Variants in WIF1 observed in about 807,000 individuals in gnomAD.
WIF1 encodes Wnt inhibitory factor 1.
WIF1 carries 35 observed loss-of-function variants against 53.5 expected under a neutral mutation model. The ratio of observed to expected loss-of-function variants is 0.65; its 90% confidence interval spans 0.50 to 0.87. The LOEUF is 0.87. WIF1 is among the 40% of genes least tolerant of loss of function. WIF1 has a pLI of 0.00. For missense variants in WIF1, 467 were observed against 476.8 expected (o/e 0.98, Z 0.19); for synonymous variants, 171 against 170.4 (o/e 1.00, Z -0.03).
chr12:65,055,327 A>G (rs966109419), intron 8 of WIF1, 114 bp from the exon 9 acceptor site: 41 of 1,196,556 alleles, frequency 3.4e-5, no homozygotes, highest in Non-Finnish European at 3.6e-5. Context: ...TTCATCCTCT[A>G]ATTTTTTTTC....
chr12:65,095,988 C>A (rs1441224674), intron 2 of WIF1: 1 of 152,150 alleles, frequency 6.6e-6, no homozygotes, highest in Non-Finnish European at 1.5e-5. Flanking sequence ...ACACCAAAAG[C>A]AATTTCAAGA....
intron 6 of WIF1, among the ~76,000 whole-genome samples, chr12:65,066,204 C>T (rs78729030): frequency 0.041 from 6,199 of 152,246 alleles, 207 homozygotes; most frequent in Non-Finnish European, 0.054. Context: ...GACCATGAGG[C>T]TAATTCCTAC....
intron 2 of WIF1, among the ~76,000 whole-genome samples, chr12:65,114,939 A>T (rs1165085689): frequency 6.6e-6 from 1 of 152,182 alleles, no homozygotes; most frequent in Non-Finnish European, 1.5e-5. Flanking sequence ...TATACATGAT[A>T]AAAAGCACAC....
intron 7 of WIF1, among the ~76,000 whole-genome samples, chr12:65,062,260 AT>A (rs1246229757): frequency 6.6e-6 from 1 of 152,106 alleles, no homozygotes; most frequent in African/African-American, 2.4e-5. Flanking sequence ...GTCAGAGAGC[AT>A]TTCTTCTGAG....
At chr12:65,091,512 C>T (rs566162148) in intron 2 of WIF1, among the ~76,000 whole-genome samples, 1 of 151,768 alleles carries the variant, frequency 6.6e-6, no homozygotes, top group Admixed American at 6.6e-5. Context: ...AGAGTATCTG[C>T]TTCTGTTTAA....
chr12:65,118,750 A>G (rs534522771), intron 2 of WIF1, among the ~76,000 whole-genome samples: 4 of 152,368 alleles, frequency 2.6e-5, no homozygotes, highest in South Asian at 4.1e-4. Context: ...ATTTGCAAAC[A>G]TGCATTATAC....
intron 2 of WIF1, among the ~76,000 whole-genome samples, chr12:65,109,700 A>C (rs560520005): frequency 1.3e-5 from 2 of 152,344 alleles, no homozygotes; most frequent in Admixed American, 1.3e-4. Context: ...AAAGTCTCTG[A>C]AGTATATAAA....
At position 65,120,527 on chromosome 12, in the gene WIF1, C is replaced by A. The variant is rs769046817; in HGVS notation, c.178G>T (p.Glu60Ter). Residue 60 changes from glutamate (E) to a stop codon, truncating the protein, a stop_gained, in exon 2 of 10, where the codon GAG (glutamate) becomes TAG (stop). Transcript: ENST00000286574. LOFTEE classifies it high-confidence loss of function. ...GFEEDILIVSEGKMAPFTHDF... is the reference protein window; with the variant it reads ...GFEEDILIVS ...TGTGTAAAAGGTGCCATTTTCCCCT[C>A]TGAAACAATCAGGATATCTTCTTCA... 6.2e-7 allele frequency: 1 copy of A among 1,613,954 alleles called. No individual in the cohort carries two copies. Among genetic ancestry groups the A allele is most frequent in the Non-Finnish European group, 8.5e-7 (1 of 1,179,960 alleles).
At chr12:65,077,443 A>T (rs1462198453) in intron 3 of WIF1, among the ~76,000 whole-genome samples, 3 of 152,168 alleles carry the variant, frequency 2.0e-5, no homozygotes, top group African/African-American at 7.2e-5. Context: ...CATTGGCCAA[A>T]TATATCTCAC....
chr12:65,059,281 A>G (rs979648716), intron 7 of WIF1, among the ~76,000 whole-genome samples: 9 of 152,334 alleles, frequency 5.9e-5, no homozygotes, highest in African/African-American at 2.2e-4. Flanking sequence ...AAAACAGATA[A>G]AAGGGTTTTT....
intron 2 of WIF1, among the ~76,000 whole-genome samples, chr12:65,110,846 G>A (rs1592404805): frequency 1.3e-5 from 2 of 152,316 alleles, no homozygotes. Flanking sequence ...ATTATTCTAA[G>A]AGCCATGAAG....
intron 2 of WIF1, among the ~76,000 whole-genome samples, chr12:65,104,888 CT>C (rs1462792580): frequency 4.6e-5 from 7 of 152,102 alleles, no homozygotes; most frequent in Non-Finnish European, 1.5e-5. Flanking sequence ...CAATTTTATA[CT>C]TTTGATAAGT....
intron 2 of WIF1, among the ~76,000 whole-genome samples, chr12:65,103,248 T>G (rs959927572): frequency 1.3e-5 from 2 of 152,248 alleles, no homozygotes; most frequent in Non-Finnish European, 2.9e-5. Context: ...TTATCTAAAG[T>G]TTCACCAATG....
At chr12:65,110,779 A>G (rs1883418777) in intron 2 of WIF1, among the ~76,000 whole-genome samples, 1 of 152,220 alleles carries the variant, frequency 6.6e-6, no homozygotes, top group African/African-American at 2.4e-5. Context: ...TGCTCTCATG[A>G]GCTTACATTG....
At chr12:65,055,001 CTG>C in intron 9 of WIF1, 115 bp downstream of exon 9, 1 of 1,010,022 alleles carries the variant, frequency 9.9e-7, no homozygotes, top group Non-Finnish European at 1.4e-6. Flanking sequence ...TATAGGTTGA[CTG>C]TTAGCCTTTG....
At chr12:65,113,530 T>C (rs1287949710) in intron 2 of WIF1, among the ~76,000 whole-genome samples, 1 of 152,064 alleles carries the variant, frequency 6.6e-6, no homozygotes, top group African/African-American at 2.4e-5. Context: ...ATTTATGCCA[T>C]GTAAATTGCC....
intron 2 of WIF1, among the ~76,000 whole-genome samples, chr12:65,112,407 C>T (rs1206160657): frequency 8.5e-6 from 1 of 118,120 alleles, no homozygotes; most frequent in Non-Finnish European, 1.5e-5. Context: ...GCTCTAATCA[C>T]ACACACACAC....
intron 2 of WIF1, among the ~76,000 whole-genome samples, chr12:65,086,669 A>G (rs1306866351): frequency 1.3e-5 from 2 of 151,466 alleles, no homozygotes; most frequent in East Asian, 3.9e-4. Flanking sequence ...CAGTTCTGGA[A>G]AGGGAAAAGG....
At chr12:65,088,625 C>G (rs1883078087) in intron 2 of WIF1, among the ~76,000 whole-genome samples, 1 of 151,952 alleles carries the variant, frequency 6.6e-6, no homozygotes, top group South Asian at 2.1e-4. Context: ...TCCAATGAGC[C>G]CTTTCCCATC....
Sources: allele counts gnomAD v4.1 joint callset (sites outside exome capture counted in the v4.1 genomes callset), GRCh38; gene constraint gnomAD v4.1.1; transcripts MANE v1.5; gene names NCBI Gene and HGNC (gene_info 2026-07-23, HGNC 2026-07-21).